PER3: variants seen among roughly 807,000 people sequenced by gnomAD.
The protein encoded by PER3 is period circadian regulator 3.
PER3 carries 107 observed loss-of-function variants against 127.2 expected under a neutral mutation model. The observed-to-expected ratio is 0.84, with a 90% CI of 0.72 to 0.99. The LOEUF (loss-of-function observed/expected upper bound fraction) is 0.99, where lower values mean the gene tolerates loss of function less well. Among genes scored for constraint, PER3 ranks in the 50% least tolerant of loss-of-function variants. The pLI is 0.00. For synonymous variants in PER3, 618 were observed against 585.8 expected, an observed-to-expected ratio of 1.05 and a Z score of -0.79; for missense variants, 1,560 against 1,525.8, an observed-to-expected ratio of 1.02 and a Z score of -0.37.
intron 10 of PER3, among the ~76,000 whole-genome samples, chr1:7,804,178 ATTAT>A (rs1051158671): frequency 5.9e-5 from 9 of 152,184 alleles, no homozygotes; most frequent in East Asian, 5.8e-4. Context: ...AGCATACAAA[ATTAT>A]TTATACCTAT....
rs1387304976 is a variant in PER3, at chr1:7,844,875, G to A, written c.*2120G>A. ...TTAACTTTTTATATTAATGACTATT[G>A]AAAGTGGTAATAAAAATTTATATTA... On this transcript the variant is annotated 3_prime_UTR_variant, in exon 22 of 22. Coordinates refer to ENST00000377532, the MANE Select transcript of PER3 (RefSeq NM_001377275.1). The A allele has an allele frequency of 1.3e-5, 2 of 152,322 alleles. No homozygotes were observed. The highest frequency in any genetic ancestry group is 4.8e-5 in the African/African-American group (2 of 41,460). 9.4% of individuals were successfully genotyped at this position (152,322 alleles called of 1,614,324 possible).
intron 4 of PER3, chr1:7,787,272 C>T (rs561627093): frequency 1.5e-4 from 111 of 740,992 alleles, no homozygotes; most frequent in Admixed American, 1.8e-4. Context: ...GTCATTTTTC[C>T]TAAAATTTTG....
chr1:7,843,913 C>G lies in PER3; in HGVS notation c.*1158C>G. 1.6e-6 allele frequency: 2 copies of G among 1,276,224 alleles called. No homozygotes were observed. The highest frequency in any genetic ancestry group is 1.6e-5 in the African/African-American group (1 of 64,158). 79.1% of individuals were successfully genotyped at this position (1,276,224 alleles called of 1,614,324 possible). A position where few individuals can be genotyped will look rare whatever the true frequency, so the allele number is the denominator to read the frequency against. ...GTGCTTTTTAGAGAAGTCCCTGATT[C>G]CTTCTTAAACTTGGAATGATAGATG... On this transcript the variant is annotated 3_prime_UTR_variant, in exon 22 of 22. Coordinates refer to ENST00000377532, the MANE Select transcript of PER3 (RefSeq NM_001377275.1).
rs60220289 is a variant in PER3 at position 7,808,232 on chromosome 1, CAAAAAAAAAAA to C, written c.1137-644_1137-634del. 2.9e-3 allele frequency among the ~76,000 whole-genome samples: 284 copies of C among 97,716 alleles called. 2 individuals carry two copies. The highest frequency in any genetic ancestry group is 7.7e-3 in the Middle Eastern group (1 of 130). The allele number at this position is 97,716 out of a possible 152,430, so 64.1% of individuals were successfully genotyped here. ...TGGGTGACAGAGCAAGACTCTGTCTCAAAAAAAAAAAAAAAAAAAAAAAAAAACTAGTATAG... is the reference window on the plus strand; with the variant it reads ...TGGGTGACAGAGCAAGACTCTGTCTCAAAAAAAAAAAAAAAACTAGTATAG... On this transcript the variant is annotated intron_variant, in intron 10 of 21. Transcript: ENST00000377532.
chr1:7,834,941 C>G (rs1421020978), intron 19 of PER3, among the ~76,000 whole-genome samples: 1 of 152,188 alleles, frequency 6.6e-6, no homozygotes, highest in Admixed American at 6.5e-5. Flanking sequence ...TCATATCAGC[C>G]ATAAAGGGAT....
chr1:7,841,513 C>G (rs1045888674), intron 21 of PER3, among the ~76,000 whole-genome samples: 1 of 152,092 alleles, frequency 6.6e-6, no homozygotes, highest in African/African-American at 2.4e-5. Context: ...GTGCTTCAAG[C>G]TGAAATTGAC....
intron 16 of PER3, among the ~76,000 whole-genome samples, chr1:7,821,656 C>T (rs979416033): frequency 6.6e-6 from 1 of 152,166 alleles, no homozygotes; most frequent in African/African-American, 2.4e-5. Context: ...TTTCTATACT[C>T]TGCTCTTATA....
At chr1:7,810,748 A>G (rs747627686) in intron 13 of PER3, 160 bp downstream of exon 13, 82 of 542,630 alleles carry the variant, frequency 1.5e-4, no homozygotes, top group African/African-American at 1.4e-3. Flanking sequence ...AATAGTAGTA[A>G]TAATAATGGC....
Position 7,809,785 on chromosome 1 carries a change from G to C in PER3, c.1243-108G>C, listed in dbSNP as rs142277372. The C allele has an allele frequency of 2.5e-4, 262 of 1,041,624 alleles. 3 individuals carry two copies. In the East Asian group the frequency reaches 3.3e-3, roughly 13 times the overall value. 64.5% of individuals were successfully genotyped at this position (1,041,624 alleles called of 1,614,324 possible). ...TACCAACCTGCACACACCTAATTTA[G>C]TATTTCAGGAATTGTCATCTTAATT... On this transcript the variant is annotated intron_variant, in intron 11 of 21. Transcript: ENST00000377532.
At chr1:7,785,267 A>G (rs1045898383) in intron 2 of PER3, among the ~76,000 whole-genome samples, 174 bp from the exon 3 acceptor site, 1 of 152,146 alleles carries the variant, frequency 6.6e-6, no homozygotes, top group African/African-American at 2.4e-5. Context: ...AATGTTTGTC[A>G]TTCACCAGTT....
chr1:7,827,535 TG>T lies in PER3; in HGVS notation c.2607del (p.Leu869PhefsTer27). 6.2e-7 allele frequency: 1 copy of T among 1,614,216 alleles called. No individual in the cohort carries two copies. Among genetic ancestry groups the T allele is most frequent in the East Asian group, 2.2e-5 (1 of 44,886 alleles). ...CCTGACCCCCCTGTCTGTCCTCTGT[TG>T]TCGCCATCGTTTTTGCCATGTCCAT... ...FLPDPPVCPL[L>X]SPSFLPCPFL... On this transcript the variant is annotated frameshift_variant, in exon 18 of 22. Coordinates refer to ENST00000377532, the MANE Select transcript of PER3 (RefSeq NM_001377275.1). LOFTEE classifies it high-confidence loss of function.
In PER3 at chr1:7,785,716, G is replaced by A. The variant is rs142290410; in HGVS notation, c.274+130G>A. On this transcript the variant is annotated intron_variant, in intron 3 of 21. Transcript: ENST00000377532. ...TTTTCTGGTGCTTTGTGGAAGATGA[G>A]CAAATCTACACCGATTCCATTCGTG... 1.9e-4 allele frequency: 132 copies of A among 690,618 alleles called. No homozygotes were observed. The East Asian group carries it at 3.1e-3, about 16-fold the overall frequency. 42.8% of individuals were successfully genotyped at this position (690,618 alleles called of 1,614,324 possible). A position where few individuals can be genotyped will look rare whatever the true frequency, so the allele number is the denominator to read the frequency against.
At position 7,810,771 on chromosome 1, in the gene PER3, T is replaced by C. The variant is rs1158367865; in HGVS notation, c.1522+183T>C. ...TAATAATAATGGCAGCAACAAATAC[T>C]GTTCTGAAAGGAAATGGTATTAGAA... On this transcript the variant is annotated intron_variant, in intron 13 of 21. Transcript: ENST00000377532. 6 of 474,818 alleles carry C rather than the reference T, an allele frequency of 1.3e-5. No homozygotes were observed. In the East Asian group the frequency reaches 1.7e-4, roughly 13 times the overall value. 29.4% of individuals were successfully genotyped at this position (474,818 alleles called of 1,614,324 possible).
At chr1:7,810,873 C>T (rs1354804301) in intron 13 of PER3, among the ~76,000 whole-genome samples, 1 of 152,140 alleles carries the variant, frequency 6.6e-6, no homozygotes, top group Non-Finnish European at 1.5e-5. Context: ...ATAGATTTCC[C>T]TCCCTACATG....
Position 7,829,881 on chromosome 1 carries a change from C to T in PER3, c.2934C>T (p.Thr978=), listed in dbSNP as rs2640908. The T allele has an allele frequency of 0.2, 319,833 of 1,609,316 alleles. 36,043 individuals are homozygous for T. Among genetic ancestry groups the T allele is most frequent in the East Asian group, 0.49 (21,793 of 44,770 alleles). The part of the protein sequence containing the change: ...NNGSESSPAT[T]GALSTGSPPR... ...GCAGTGAGAGCAGTCCTGCTACTAC[C>T]GGTGCACTGTCCACGGGGTCACCTC... The change falls in exon 19 of 22, where the codon ACC becomes ACT. Residue 978 remains threonine, a synonymous_variant. Coordinates refer to ENST00000377532, the MANE Select transcript of PER3 (RefSeq NM_001377275.1).
Position 7,835,789 on chromosome 1 carries a change from C to G in PER3, c.3242C>G (p.Thr1081Ser), listed in dbSNP as rs1045418782. Residue 1081 changes from threonine to serine, a missense_variant, in exon 20 of 22, where the codon ACT becomes AGT. Thr to Ser is a moderately conservative substitution (Grantham distance 58). Coordinates refer to ENST00000377532, the MANE Select transcript of PER3 (RefSeq NM_001377275.1). ...AGCAGCGACAGCAGTATATACCTTA[C>G]TAGTAGTGTTTATTCTTCTAAAATC... is the stretch of plus-strand genomic sequence containing the variant. Reference protein sequence around the residue: ...SGSSDSSIYLTSSVYSSKISQ... With the variant: ...SGSSDSSIYLSSSVYSSKISQ... 4 of 1,612,072 alleles carry G rather than the reference C, an allele frequency of 2.5e-6. No homozygotes were observed. Among genetic ancestry groups the G allele is most frequent in the Non-Finnish European group, 8.5e-7 (1 of 1,178,208 alleles).
intron 21 of PER3, among the ~76,000 whole-genome samples, chr1:7,842,282 C>G (rs2097394158): frequency 6.6e-6 from 1 of 151,964 alleles, no homozygotes; most frequent in Admixed American, 6.6e-5. Context: ...GTGGGCGGAT[C>G]ACGAGGTCAG....
At position 7,798,507 on chromosome 1, in the gene PER3, T is replaced by C. The variant is rs1558400491; in HGVS notation, c.645-18T>C. ...TAGGGTGCGTCAGGACCAGCACTAA[T>C]ATCTTTAATCTCCTCAGTGGAGGTG... On this transcript the variant is annotated intron_variant, in intron 6 of 21. Transcript: ENST00000377532. 1 of 1,608,436 alleles carries C rather than the reference T, an allele frequency of 6.2e-7. No homozygotes were observed. Among genetic ancestry groups the C allele is most frequent in the Non-Finnish European group, 8.5e-7 (1 of 1,176,096 alleles).
rs2097180922 is a variant in PER3, at chr1:7,803,775, T to C, written c.1063T>C (p.Ser355Pro). 1 of 1,613,076 alleles carries C rather than the reference T, an allele frequency of 6.2e-7. No individual in the cohort carries two copies. The highest frequency in any genetic ancestry group is 1.3e-5 in the African/African-American group (1 of 74,926). Residue 355 changes from serine (S) to proline (P), a missense_variant, in exon 10 of 22, where the codon TCC becomes CCC. Around this residue, in one of 3 missense-constraint regions of PER3, gnomAD observed 1,332 missense variants for 1,223.6 expected, o/e 1.09. Transcript: ENST00000377532. ...TQNGDYIILD[S>P]SWSSFVNPWS... Reference sequence around the variant, plus strand: ...AAACGGAGACTACATCATACTGGATTCCAGTTGGTCCAGCTTTGTGAATCC... The same window carrying C: ...AAACGGAGACTACATCATACTGGATCCCAGTTGGTCCAGCTTTGTGAATCC...
Sources: gnomAD v4.1 joint callset for allele counts (sites outside exome capture counted in the v4.1 genomes callset) on GRCh38, gnomAD v4.1.1 for gene constraint, gnomAD v4.1.1 regional missense constraint, MANE v1.5 for transcripts, NCBI Gene and HGNC (gene_info 2026-07-23, HGNC 2026-07-21) for gene names.